The following LIMD1 variants were observed in gnomAD, a reference collection of about 807,000 sequenced individuals.
The protein encoded by LIMD1 is LIM domain containing 1, also known as LIM domain-containing protein 1.
Under a neutral mutation model 58.4 loss-of-function variants are expected in LIMD1, and 23 were observed. The observed-to-expected ratio is 0.39, with a 90% CI of 0.28 to 0.56. LIMD1 has a LOEUF of 0.56. LIMD1 is among the 20% of genes least tolerant of loss of function. LIMD1 has a pLI of 0.57. For synonymous variants in LIMD1, 334 were observed against 345.5 expected, an observed-to-expected ratio of 0.97 and a Z score of 0.37; for missense variants, 838 against 855.5, an observed-to-expected ratio of 0.98 and a Z score of 0.25.
At chr3:45,646,518 A>G (rs1283408304) in intron 2 of LIMD1, among the ~76,000 whole-genome samples, 1 of 152,186 alleles carries the variant, frequency 6.6e-6, no homozygotes, top group Non-Finnish European at 1.5e-5. Flanking sequence ...CTAACACAGC[A>G]GCTACTGGCC....
chr3:45,649,749 A>T (rs559633798), intron 2 of LIMD1, among the ~76,000 whole-genome samples: 191 of 145,338 alleles, frequency 1.3e-3, no homozygotes, highest in African/African-American at 4.6e-3. Context: ...TTTATATATA[A>T]TTATATATTT....
At chr3:45,599,744 AG>A (rs1031342822) in intron 1 of LIMD1, among the ~76,000 whole-genome samples, 1 of 152,218 alleles carries the variant, frequency 6.6e-6, no homozygotes, top group Non-Finnish European at 1.5e-5. Flanking sequence ...ATGAGCTCCC[AG>A]GAGTGGGACT....
intron 1 of LIMD1, among the ~76,000 whole-genome samples, chr3:45,606,011 C>T (rs1405100582): frequency 2.0e-5 from 3 of 152,132 alleles, no homozygotes; most frequent in African/African-American, 7.2e-5. Context: ...TCCATTAGGC[C>T]GTGAAGGTGG....
chr3:45,675,977 G>A (rs777508160), intron 7 of LIMD1, among the ~76,000 whole-genome samples: 1 of 152,158 alleles, frequency 6.6e-6, no homozygotes, highest in East Asian at 1.9e-4. Flanking sequence ...ATCCTGCTGG[G>A]CGTGGTGGCT....
chr3:45,618,453 TC>T (rs1701595406), intron 1 of LIMD1, among the ~76,000 whole-genome samples: 1 of 152,036 alleles, frequency 6.6e-6, no homozygotes, highest in Non-Finnish European at 1.5e-5. Context: ...AGGAGAGAGC[TC>T]AGTCCGGAGA....
At chr3:45,669,558 G>A (rs552054732) in intron 4 of LIMD1, among the ~76,000 whole-genome samples, 3 of 152,174 alleles carry the variant, frequency 2.0e-5, no homozygotes, top group African/African-American at 7.2e-5. Context: ...ACTCCAGAAA[G>A]TTCCTTCTTG....
rs2125671982 is a variant in LIMD1 at position 45,677,711 on chromosome 3, A to C, written c.*652A>C. Reference sequence around the variant, plus strand: ...GGTTTCCTCCTTAGACACTGACAGCATTCTCTGTACCCCTTCAAATCCTTA... The same window carrying C: ...GGTTTCCTCCTTAGACACTGACAGCCTTCTCTGTACCCCTTCAAATCCTTA... On this transcript the variant is annotated 3_prime_UTR_variant, in exon 8 of 8. Transcript: ENST00000273317. The C allele has an allele frequency of 6.6e-6, 1 of 152,374 alleles. No individual in the cohort carries two copies. The highest frequency in any genetic ancestry group is 1.5e-5 in the Non-Finnish European group (1 of 68,082). 9.4% of individuals were successfully genotyped at this position (152,374 alleles called of 1,614,324 possible).
At chr3:45,609,763 T>G (rs773185875) in intron 1 of LIMD1, among the ~76,000 whole-genome samples, 1 of 152,240 alleles carries the variant, frequency 6.6e-6, no homozygotes, top group Non-Finnish European at 1.5e-5. Flanking sequence ...GGGCTTCCTT[T>G]TGTCACAAAC....
chr3:45,624,617 G>T (rs903806099), intron 1 of LIMD1, among the ~76,000 whole-genome samples: 12 of 152,226 alleles, frequency 7.9e-5, no homozygotes, highest in African/African-American at 2.9e-4. Flanking sequence ...CAGCTACTCA[G>T]GAGGCTGAGG....
chr3:45,641,796 AT>A, intron 2 of LIMD1, among the ~76,000 whole-genome samples: 1 of 152,200 alleles, frequency 6.6e-6, no homozygotes, highest in East Asian at 1.9e-4. Context: ...ACTGAAGAGG[AT>A]GACACTGAAG....
chr3:45,622,628 C>A (rs1701637432), intron 1 of LIMD1, among the ~76,000 whole-genome samples: 1 of 151,384 alleles, frequency 6.6e-6, no homozygotes, highest in African/African-American at 2.4e-5. Flanking sequence ...AAAGGGGAGA[C>A]TGCTGTATGG....
chr3:45,594,803 A>ACACACACACACACAC lies in LIMD1; in HGVS notation c.-76_-62dup, dbSNP rs1701318889. 59 of 251,004 alleles carry ACACACACACACACAC rather than the reference A, an allele frequency of 2.4e-4. 1 individual carries two copies. Among genetic ancestry groups the ACACACACACACACAC allele is most frequent in the East Asian group, 1.8e-3 (10 of 5,462 alleles). 15.5% of individuals were successfully genotyped at this position (251,004 alleles called of 1,614,324 possible). A position where few individuals can be genotyped will look rare whatever the true frequency, so the allele number is the denominator to read the frequency against. On this transcript the variant is annotated 5_prime_UTR_variant, in exon 1 of 8. Coordinates refer to ENST00000273317, the MANE Select transcript of LIMD1 (RefSeq NM_014240.3). ...AACACACACACACACACACACACAC[A>ACACACACACACACAC]CACACACACACACACACACACACAC...
chr3:45,639,320 C>T (rs751932755), intron 2 of LIMD1, among the ~76,000 whole-genome samples: 1 of 152,210 alleles, frequency 6.6e-6, no homozygotes, highest in Non-Finnish European at 1.5e-5. Context: ...TGTTTTCCAC[C>T]TCAAGCAGTT....
At chr3:45,655,171 C>T (rs1415623402) in intron 2 of LIMD1, among the ~76,000 whole-genome samples, 1 of 152,160 alleles carries the variant, frequency 6.6e-6, no homozygotes, top group Non-Finnish European at 1.5e-5. Context: ...CTGCCTACCT[C>T]AGCCTCCCAA....
intron 1 of LIMD1, among the ~76,000 whole-genome samples, chr3:45,630,717 G>A (rs79542992): frequency 2.6e-5 from 4 of 152,008 alleles, no homozygotes; most frequent in South Asian, 2.1e-4. Context: ...ATGATGGGGG[G>A]GGTTGGGGGG....
chr3:45,659,288 GTT>G (rs1281717394), intron 2 of LIMD1, among the ~76,000 whole-genome samples: 3 of 152,082 alleles, frequency 2.0e-5, no homozygotes, highest in Non-Finnish European at 4.4e-5. Flanking sequence ...CACTTGTCAA[GTT>G]TGCTTTTTTC....
intron 2 of LIMD1, among the ~76,000 whole-genome samples, chr3:45,653,239 A>T (rs1172273624): frequency 1.3e-5 from 2 of 152,186 alleles, no homozygotes; most frequent in Non-Finnish European, 2.9e-5. Context: ...GATTTGGATG[A>T]GGAGGGAGAG....
intron 3 of LIMD1, among the ~76,000 whole-genome samples, chr3:45,666,980 C>T (rs1697528708): frequency 6.6e-6 from 1 of 152,190 alleles, no homozygotes; most frequent in African/African-American, 2.4e-5. Context: ...ACTAGCAAAC[C>T]CAAACGGGCT....
Position 45,595,113 on chromosome 3 carries a change from C to T in LIMD1, c.234C>T (p.Val78=). ...TGCCCAGGGGGAGTAGAGGCCCTGT[C>T]AATGGAGGGGGCCGCCTGGGCCCAC... is the stretch of plus-strand genomic sequence containing the variant. ...ETLPRGSRGP[V]NGGGRLGPQA... Residue 78 remains valine, a synonymous_variant, in exon 1 of 8, where the codon GTC becomes GTT. Coordinates refer to ENST00000273317, the MANE Select transcript of LIMD1 (RefSeq NM_014240.3). The T allele has an allele frequency of 1.2e-6, 2 of 1,609,424 alleles. No homozygotes were observed. Among genetic ancestry groups the T allele is most frequent in the East Asian group, 2.2e-5 (1 of 44,786 alleles).
Sources: gnomAD v4.1 joint callset for allele counts (sites outside exome capture counted in the v4.1 genomes callset) on GRCh38, gnomAD v4.1.1 for gene constraint, MANE v1.5 for transcripts, NCBI Gene and HGNC (gene_info 2026-07-23, HGNC 2026-07-21) for gene names.